The following ANKS1B variants were observed in gnomAD, a reference collection of about 807,000 sequenced individuals.
ANKS1B encodes the protein ankyrin repeat and sterile alpha motif domain containing 1B.
Under a neutral mutation model 148.3 loss-of-function variants are expected in ANKS1B, and 36 were observed. The ratio of observed to expected loss-of-function variants is 0.24; its 90% confidence interval spans 0.19 to 0.32. ANKS1B has a LOEUF of 0.32. Among genes scored for constraint, ANKS1B ranks in the 10% least tolerant of loss-of-function variants. The pLI is 1.00. For missense variants in ANKS1B, 1,157 were observed against 1,542.6 expected (o/e 0.75, Z 4.19); for synonymous variants, 542 against 560.8 (o/e 0.97, Z 0.47).
intron 12 of ANKS1B, among the ~76,000 whole-genome samples, chr12:99,315,258 A>C (rs2083853535): frequency 6.6e-6 from 1 of 151,660 alleles, no homozygotes; most frequent in African/African-American, 2.4e-5. Context: ...AAAAACAAAA[A>C]ACCTATCAGA....
intron 1 of ANKS1B, among the ~76,000 whole-genome samples, chr12:99,870,557 G>A (rs1366205099): frequency 1.3e-5 from 2 of 152,290 alleles, no homozygotes; most frequent in East Asian, 1.9e-4. Flanking sequence ...CAGTATGTAA[G>A]TGTTCCCTTT....
intron 12 of ANKS1B, among the ~76,000 whole-genome samples, chr12:99,322,402 C>T (rs972001296): frequency 4.0e-5 from 6 of 149,662 alleles, no homozygotes; most frequent in Non-Finnish European, 7.4e-5. Flanking sequence ...TCAATAGGTG[C>T]AGCAAACCAC....
intron 17 of ANKS1B, among the ~76,000 whole-genome samples, chr12:99,005,665 A>G (rs1313918446): frequency 6.6e-6 from 1 of 152,212 alleles, no homozygotes; most frequent in Non-Finnish European, 1.5e-5. Context: ...AATAGAAAGC[A>G]AGACGCCATT....
intron 11 of ANKS1B, among the ~76,000 whole-genome samples, chr12:99,411,353 T>C (rs955195305): frequency 6.6e-6 from 1 of 152,226 alleles, no homozygotes; most frequent in Non-Finnish European, 1.5e-5. Flanking sequence ...GGTCTCTAGC[T>C]ACATTCATGC....
intron 19 of ANKS1B, among the ~76,000 whole-genome samples, chr12:98,819,589 C>A (rs951030984): frequency 6.6e-6 from 1 of 152,150 alleles, no homozygotes; most frequent in African/African-American, 2.4e-5. Context: ...CATGGGGCTG[C>A]CTTACAAAGA....
intron 17 of ANKS1B, among the ~76,000 whole-genome samples, chr12:99,051,694 C>A (rs1196814742): frequency 2.0e-5 from 3 of 152,130 alleles, no homozygotes; most frequent in Non-Finnish European, 4.4e-5. Flanking sequence ...ATAATGATAG[C>A]TTTTGTGAGG....
chr12:98,827,636 T>C (rs1179806302), intron 19 of ANKS1B, among the ~76,000 whole-genome samples: 1 of 152,118 alleles, frequency 6.6e-6, no homozygotes, highest in Non-Finnish European at 1.5e-5. Context: ...TGTTTATACA[T>C]AGGTAGAAGG....
chr12:98,833,586 T>TG (rs2153700064), intron 17 of ANKS1B, among the ~76,000 whole-genome samples: 1 of 151,724 alleles, frequency 6.6e-6, no homozygotes, highest in East Asian at 1.9e-4. Context: ...ACCTTGAATT[T>TG]TTTTTAAATT....
chr12:99,434,655 C>T (rs556793325), intron 11 of ANKS1B, among the ~76,000 whole-genome samples: 2 of 151,902 alleles, frequency 1.3e-5, no homozygotes, highest in Non-Finnish European at 2.9e-5. Context: ...ATCAATATTT[C>T]CTCATCTTTA....
chr12:99,363,037 T>C (rs2092573883), intron 12 of ANKS1B, among the ~76,000 whole-genome samples: 2 of 152,086 alleles, frequency 1.3e-5, no homozygotes, highest in African/African-American at 2.4e-5. Flanking sequence ...AGGATGGTTA[T>C]AGATATCCTA....
At position 99,263,517 on chromosome 12, in the gene ANKS1B, T is replaced by C. The variant is rs376394771; in HGVS notation, c.1757-16653A>G. The stretch of plus-strand genomic sequence containing the variant: ...CATTCTTGAGAATTTATTTATCACT[T>C]GATCAACTGAAGTATATCTTTGAGC... On this transcript the variant is annotated intron_variant, in intron 12 of 26. Coordinates refer to ENST00000683438, the MANE Select transcript of ANKS1B (RefSeq NM_001352186.2). 3.3e-4 allele frequency among the ~76,000 whole-genome samples: 51 copies of C among 152,274 alleles called. No individual in the cohort carries two copies. In the South Asian group the frequency reaches 9.3e-3, roughly 28 times the overall value.
intron 17 of ANKS1B, among the ~76,000 whole-genome samples, chr12:98,866,974 T>C (rs1443578576): frequency 6.6e-6 from 1 of 152,210 alleles, no homozygotes; most frequent in African/African-American, 2.4e-5. Context: ...CATAAGGAGA[T>C]ACTACATAAG....
chr12:99,773,140 A>C, intron 7 of ANKS1B, 52 bp from the exon 8 acceptor site: 2 of 1,459,674 alleles, frequency 1.4e-6, no homozygotes, highest in Non-Finnish European at 1.9e-6. Flanking sequence ...GTTAAAACTT[A>C]ATGTTAAGCA....
At chr12:99,350,412 AG>A (rs2091278456) in intron 12 of ANKS1B, among the ~76,000 whole-genome samples, 1 of 152,042 alleles carries the variant, frequency 6.6e-6, no homozygotes, top group African/African-American at 2.4e-5. Flanking sequence ...CATTATTAGA[AG>A]GGATTAAAAA....
chr12:99,218,567 C>T (rs1489900180), intron 14 of ANKS1B, among the ~76,000 whole-genome samples: 2 of 152,138 alleles, frequency 1.3e-5, no homozygotes, highest in African/African-American at 2.4e-5. Context: ...CTGTCCCCAA[C>T]CCCCTGGAAA....
chr12:99,245,527 T>C (rs1181392963), intron 13 of ANKS1B, among the ~76,000 whole-genome samples: 1 of 152,206 alleles, frequency 6.6e-6, no homozygotes, highest in Non-Finnish European at 1.5e-5. Flanking sequence ...AGATATTAAG[T>C]GATTTTCCCA....
rs199574898 is a variant in ANKS1B at position 99,365,516 on chromosome 12, C to T, written c.1756+34115G>A. On this transcript the variant is annotated intron_variant, in intron 12 of 26. Transcript: ENST00000683438. ...TTCTTACAGGTCAGGTGGATGATTC[C>T]GGGTATAGAGAGTGGAGAGTTGTAG... is the stretch of plus-strand genomic sequence containing the variant. Among the ~76,000 whole-genome samples, 29 of 152,118 alleles carry T rather than the reference C, an allele frequency of 1.9e-4. No individual in the cohort carries two copies. The East Asian group carries it at 3.9e-3, about 20-fold the overall frequency.
chr12:99,420,542 A>G (rs564912694), intron 11 of ANKS1B, among the ~76,000 whole-genome samples: 5 of 151,998 alleles, frequency 3.3e-5, no homozygotes, highest in African/African-American at 9.7e-5. Context: ...AAGTATTACA[A>G]TTAATTTTAG....
intron 1 of ANKS1B, among the ~76,000 whole-genome samples, chr12:99,848,537 T>C (rs932426556): frequency 6.6e-6 from 1 of 152,150 alleles, no homozygotes; most frequent in Non-Finnish European, 1.5e-5. Context: ...TCTATGGAAC[T>C]GAATAGAACC....
Sources: gnomAD v4.1 joint callset for allele counts (sites outside exome capture counted in the v4.1 genomes callset) on GRCh38, gnomAD v4.1.1 for gene constraint, MANE v1.5 for transcripts, NCBI Gene and HGNC (gene_info 2026-07-23, HGNC 2026-07-21) for gene names.